The following PLEKHM1 variants were observed in gnomAD, a reference collection of about 807,000 sequenced individuals.
PLEKHM1 encodes the protein pleckstrin homology and RUN domain containing M1.
PLEKHM1 carries 28 observed loss-of-function variants against 94.3 expected under a neutral mutation model. The ratio of observed to expected loss-of-function variants is 0.30; its 90% CI spans 0.22 to 0.41. PLEKHM1 has a LOEUF of 0.41. Among genes scored for constraint, PLEKHM1 ranks in the 10% least tolerant of loss-of-function variants. PLEKHM1 has a pLI of 1.00. For synonymous variants in PLEKHM1, 424 were observed against 581.2 expected (o/e 0.73, Z 3.89); for missense variants, 907 against 1,358.6 (o/e 0.67, Z 5.22).
intron 6 of PLEKHM1, among the ~76,000 whole-genome samples, chr17:45,457,939 T>A (rs1749986240): frequency 1.3e-5 from 2 of 152,174 alleles, no homozygotes; most frequent in South Asian, 4.1e-4. Flanking sequence ...CCTATTTGAC[T>A]GGTGAAACAG....
chr17:45,453,624 G>A lies in PLEKHM1; in HGVS notation c.2228C>T (p.Pro743Leu). 1.5e-5 allele frequency: 24 copies of A among 1,609,358 alleles called. No individual in the cohort carries two copies. The highest frequency in any genetic ancestry group is 2.0e-5 in the Non-Finnish European group (24 of 1,177,698). ...DILPDTSLGG[P>L]SFFKIITAKA... is the part of the protein sequence containing the mutation. ...GGCCGTGATGATTTTGAAGAAGGAT[G>A]GGCCCCCAAGGCTGGTGTCTGGCAG... The change falls in exon 7 of 12, where the codon CCA becomes CTA. Residue 743 changes from proline to leucine, a missense_variant. Coordinates refer to ENST00000430334, the MANE Select transcript of PLEKHM1 (RefSeq NM_014798.3). This position sits in a 1 kb window ranked among gnomAD's most constrained non-coding sequence, Gnocchi z 4.1.
At chr17:45,439,264 C>G (rs1448456988) in intron 11 of PLEKHM1, among the ~76,000 whole-genome samples, 2 of 152,248 alleles carry the variant, frequency 1.3e-5, no homozygotes, top group Non-Finnish European at 2.9e-5. Flanking sequence ...CCTGGGAAAG[C>G]TTGTCTTGTC....
chr17:45,446,538 A>C (rs957507970), intron 8 of PLEKHM1, among the ~76,000 whole-genome samples: 3 of 152,208 alleles, frequency 2.0e-5, no homozygotes, highest in African/African-American at 7.2e-5. Flanking sequence ...ATAAGGACGG[A>C]GGAGCTGTTG....
chr17:45,437,506 T>C lies in PLEKHM1; in HGVS notation c.*352A>G, dbSNP rs1453563235. The C allele has an allele frequency of 1.1e-5, 6 of 538,974 alleles. No homozygotes were observed. Among genetic ancestry groups the C allele is most frequent in the Non-Finnish European group, 2.1e-5 (6 of 282,290 alleles). 33.4% of individuals were successfully genotyped at this position (538,974 alleles called of 1,614,324 possible). On this transcript the variant is annotated 3_prime_UTR_variant, in exon 12 of 12. Coordinates refer to ENST00000430334, the MANE Select transcript of PLEKHM1 (RefSeq NM_014798.3). The surrounding 1 kb of genome is among the most constrained non-coding windows in gnomAD (Gnocchi z 4.0). Reference sequence around the variant, plus strand: ...AGACCTTTTAATCAGGAATGTGGAATTGAAAATGCTCCCCAAGTCCCCTTT... The same window carrying C: ...AGACCTTTTAATCAGGAATGTGGAACTGAAAATGCTCCCCAAGTCCCCTTT...
At chr17:45,472,019 A>C (rs1196960011) in intron 4 of PLEKHM1, among the ~76,000 whole-genome samples, 1 of 152,214 alleles carries the variant, frequency 6.6e-6, no homozygotes, top group African/African-American at 2.4e-5. Context: ...TTTCATTTTG[A>C]ATGTTGTGTC....
At chr17:45,435,113 G>C (rs2050227726), downstream of PLEKHM1, among the ~76,000 whole-genome samples, 3 of 152,102 alleles carry the variant, frequency 2.0e-5, no homozygotes, top group African/African-American at 7.2e-5. Flanking sequence ...CCCTCTCCCA[G>C]TTTCTCTTCT....
downstream of PLEKHM1, among the ~76,000 whole-genome samples, chr17:45,435,015 C>T (rs2050226458): frequency 6.6e-6 from 1 of 151,308 alleles, no homozygotes; most frequent in Non-Finnish European, 1.5e-5. Context: ...AACAAGTGGC[C>T]TCAGGGGCGC....
rs780166326 is a variant in PLEKHM1, at chr17:45,437,811, G to A, written c.*47C>T. On this transcript the variant is annotated 3_prime_UTR_variant, in exon 12 of 12. Coordinates refer to ENST00000430334, the MANE Select transcript of PLEKHM1 (RefSeq NM_014798.3). The surrounding 1 kb of genome is among the most constrained non-coding windows in gnomAD (Gnocchi z 4.0). ...GATGGCAAACCCAGCCGGGATGGCTGAGCCACACTCACCCCCGGCTTTCAG... is the reference window on the plus strand; with the variant it reads ...GATGGCAAACCCAGCCGGGATGGCTAAGCCACACTCACCCCCGGCTTTCAG... 1.1e-5 allele frequency: 16 copies of A among 1,443,868 alleles called. No homozygotes were observed. In the Admixed American group the frequency reaches 1.5e-4, roughly 14 times the overall value. The allele number at this position is 1,443,868 out of a possible 1,614,324, so 89.4% of individuals were successfully genotyped here.
intron 5 of PLEKHM1, among the ~76,000 whole-genome samples, chr17:45,463,433 C>T (rs941504807): frequency 2.6e-5 from 4 of 152,302 alleles, no homozygotes; most frequent in Non-Finnish European, 5.9e-5. Flanking sequence ...TACTCTGTTG[C>T]CCAGGCTGGA....
intron 6 of PLEKHM1, among the ~76,000 whole-genome samples, chr17:45,456,083 CCT>C (rs927994939): frequency 3.3e-5 from 5 of 152,086 alleles, no homozygotes; most frequent in Non-Finnish European, 5.9e-5. Context: ...TGACTCCTTC[CCT>C]CTCTCCCCTT....
intron 8 of PLEKHM1, among the ~76,000 whole-genome samples, chr17:45,449,975 G>T (rs1210012654): frequency 1.4e-5 from 2 of 138,638 alleles, no homozygotes; most frequent in African/African-American, 5.5e-5. Flanking sequence ...GCCACCACCT[G>T]CTCATTCACC....
At chr17:45,476,477 G>T (rs959789792) in intron 3 of PLEKHM1, among the ~76,000 whole-genome samples, 7 of 152,020 alleles carry the variant, frequency 4.6e-5, no homozygotes, top group African/African-American at 1.5e-4. Context: ...AAAAGTGGGT[G>T]GTTTGGTTGC....
intron 4 of PLEKHM1, among the ~76,000 whole-genome samples, chr17:45,472,094 A>G (rs1261549891): frequency 1.3e-5 from 2 of 151,746 alleles, no homozygotes; most frequent in Non-Finnish European, 2.9e-5. Flanking sequence ...TGATAAGCAC[A>G]AGGAATTTAT....
At chr17:45,473,271 C>G (rs936850008) in intron 4 of PLEKHM1, among the ~76,000 whole-genome samples, 1 of 152,062 alleles carries the variant, frequency 6.6e-6, no homozygotes, top group Non-Finnish European at 1.5e-5. Flanking sequence ...TACATTCATA[C>G]ACTAGAACAA....
chr17:45,479,111 C>T (rs1053907212), intron 2 of PLEKHM1, among the ~76,000 whole-genome samples: 1 of 151,146 alleles, frequency 6.6e-6, no homozygotes, highest in Non-Finnish European at 1.5e-5. Context: ...TGGTGGCTCA[C>T]ACCTGTAATC....
At position 45,464,447 on chromosome 17, in the gene PLEKHM1, C is replaced by G. The variant is rs188349784; in HGVS notation, c.1308+3762G>C. Reference sequence around the variant, plus strand: ...CCAAAATAACATCAAATAAAAAGCACGTGGCTAACTGATAGAAGTACAGAA... The same window carrying G: ...CCAAAATAACATCAAATAAAAAGCAGGTGGCTAACTGATAGAAGTACAGAA... On this transcript the variant is annotated intron_variant, in intron 5 of 11. Coordinates refer to ENST00000430334, the MANE Select transcript of PLEKHM1 (RefSeq NM_014798.3). 4.6e-5 allele frequency among the ~76,000 whole-genome samples: 7 copies of G among 152,304 alleles called. No individual in the cohort carries two copies. In the South Asian group the frequency reaches 1.2e-3, roughly 27 times the overall value.
In PLEKHM1 at chr17:45,470,416, G is replaced by C. The variant is rs1329073885; in HGVS notation, c.924-1823C>G. On this transcript the variant is annotated intron_variant, in intron 4 of 11. Coordinates refer to ENST00000430334, the MANE Select transcript of PLEKHM1 (RefSeq NM_014798.3). ...GGCCAAGGCGGGTGGATCACCTGAG[G>C]CCAGGAGTTCGAGATCAGCCTGGCC... is the stretch of plus-strand genomic sequence containing the variant. Among the ~76,000 whole-genome samples the C allele has an allele frequency of 2.6e-5, 4 of 152,394 alleles. No homozygotes were observed. In the South Asian group the frequency reaches 6.2e-4, roughly 24 times the overall value.
chr17:45,482,916 C>T, intron 1 of PLEKHM1, among the ~76,000 whole-genome samples: 1 of 151,436 alleles, frequency 6.6e-6, no homozygotes, highest in Non-Finnish European at 1.5e-5. Context: ...TGGCAGGAAC[C>T]CAATGGGACC....
intron 2 of PLEKHM1, among the ~76,000 whole-genome samples, chr17:45,479,165 G>A (rs1162733641): frequency 2.0e-5 from 3 of 151,894 alleles, no homozygotes; most frequent in Non-Finnish European, 1.5e-5. Context: ...CTTGAGGTTA[G>A]GAGTTTGAGA....
Sources: allele counts gnomAD v4.1 joint callset (sites outside exome capture counted in the v4.1 genomes callset), GRCh38; gene constraint gnomAD v4.1.1; non-coding constraint Gnocchi (gnomAD v3.1); transcripts MANE v1.5; gene names NCBI Gene and HGNC (gene_info 2026-07-23, HGNC 2026-07-21).